ERCC8: variants seen among roughly 807,000 people sequenced by gnomAD.
ERCC8 encodes the protein ERCC excision repair 8, CSA ubiquitin ligase complex subunit.
ERCC8 carries 52 observed loss-of-function variants against 54.9 expected under a neutral mutation model. The ratio of observed to expected loss-of-function variants is 0.95; its 90% CI spans 0.76 to 1.19. The LOEUF (loss-of-function observed/expected upper bound fraction) is 1.19, where lower values mean the gene tolerates loss of function less well. Among genes scored for constraint, ERCC8 ranks in the 50% most tolerant of loss-of-function variants. ERCC8 has a pLI of 0.00. For synonymous variants in ERCC8, 146 were observed against 157.2 expected (o/e 0.93, Z 0.53); for missense variants, 514 against 466.1 (o/e 1.10, Z -0.95).
At chr5:60,892,442 G>T in intron 9 of ERCC8, 1 of 557,802 alleles carries the variant, frequency 1.8e-6, no homozygotes. Flanking sequence ...CACTGAGATG[G>T]GCAGGCAGAG....
chr5:60,925,601 C>G (rs1031321417), intron 2 of ERCC8, among the ~76,000 whole-genome samples: 1 of 152,168 alleles, frequency 6.6e-6, no homozygotes, highest in African/African-American at 2.4e-5. Flanking sequence ...GATGCCTTAT[C>G]GCTTTTTACT....
At chr5:60,908,877 G>A (rs1038820988) in intron 4 of ERCC8, among the ~76,000 whole-genome samples, 3 of 152,082 alleles carry the variant, frequency 2.0e-5, no homozygotes, top group Admixed American at 6.6e-5. Flanking sequence ...TGTATGTTTT[G>A]TGAAATACCT....
chr5:60,883,007 G>GCACA (rs1748288987), intron 11 of ERCC8, among the ~76,000 whole-genome samples: 2 of 117,054 alleles, frequency 1.7e-5, no homozygotes, highest in Non-Finnish European at 3.5e-5. Context: ...ACACACACAT[G>GCACA]TCTGTAGGTG....
At chr5:60,881,053 C>G (rs1299069449) in intron 11 of ERCC8, among the ~76,000 whole-genome samples, 1 of 152,080 alleles carries the variant, frequency 6.6e-6, no homozygotes, top group South Asian at 2.1e-4. Flanking sequence ...GTGTGGATGT[C>G]CTTTCTGCTT....
At chr5:60,921,583 A>C (rs1309125340) in intron 3 of ERCC8, among the ~76,000 whole-genome samples, 1 of 151,860 alleles carries the variant, frequency 6.6e-6, no homozygotes, top group Non-Finnish European at 1.5e-5. Flanking sequence ...GAGACAAGAC[A>C]GGGGTGAGTG....
At chr5:60,933,938 T>TACACACAC (rs70977815) in intron 1 of ERCC8, among the ~76,000 whole-genome samples, 6,834 of 151,082 alleles carry the variant, frequency 0.045, 274 homozygotes, top group Admixed American at 0.13. Flanking sequence ...TATTCCATGA[T>TACACACAC]ACACACACAC....
At chr5:60,924,240 C>A in intron 2 of ERCC8, 1 of 152,528 alleles carries the variant, frequency 6.6e-6, no homozygotes, top group East Asian at 1.9e-4. Context: ...CTAGATCCAT[C>A]AATTTATACA....
At chr5:60,893,611 C>T (rs1423004141) in intron 9 of ERCC8, 3 of 611,206 alleles carry the variant, frequency 4.9e-6, no homozygotes, top group East Asian at 2.9e-5. Context: ...GGTTCGAATC[C>T]GCTTGCTCTC....
chr5:60,910,980 T>C (rs957417065), intron 4 of ERCC8, among the ~76,000 whole-genome samples: 1 of 152,126 alleles, frequency 6.6e-6, no homozygotes, highest in African/African-American at 2.4e-5. Context: ...TGCTTTAGTT[T>C]TTTAAAAAAA....
intron 1 of ERCC8, among the ~76,000 whole-genome samples, 186 bp downstream of exon 1, chr5:60,944,746 C>A (rs1349992219): frequency 2.0e-5 from 3 of 148,738 alleles, no homozygotes; most frequent in Admixed American, 6.7e-5. Flanking sequence ...ACCCCCGCCG[C>A]CCCCCGCCTG....
intron 8 of ERCC8, among the ~76,000 whole-genome samples, chr5:60,898,767 A>G (rs551111927): frequency 7.0e-6 from 1 of 141,926 alleles, no homozygotes; most frequent in African/African-American, 2.7e-5. Flanking sequence ...ATGGACTATT[A>G]AAATCAATAA....
chr5:60,911,238 C>T (rs1185026970), intron 4 of ERCC8, among the ~76,000 whole-genome samples: 1 of 151,940 alleles, frequency 6.6e-6, no homozygotes, highest in African/African-American at 2.4e-5. Flanking sequence ...CCCTATTTCT[C>T]CACATACTCT....
intron 4 of ERCC8, among the ~76,000 whole-genome samples, chr5:60,913,462 G>A (rs1041011313): frequency 3.3e-5 from 5 of 151,864 alleles, no homozygotes; most frequent in African/African-American, 9.7e-5. Context: ...TTTTTATTGC[G>A]TCTATTTGAT....
intron 9 of ERCC8, chr5:60,893,072 G>A: frequency 2.6e-6 from 2 of 777,934 alleles, no homozygotes; most frequent in South Asian, 2.7e-5. Context: ...TGGGGTCCAG[G>A]TCAATCTTTT....
chr5:60,894,001 T>C lies in ERCC8; in HGVS notation c.844-2915A>G, dbSNP rs865864167. On this transcript the variant is annotated intron_variant, in intron 9 of 11. Transcript: ENST00000676185. ...GAATTTATCTTTTTTTTTTTTTTTT[T>C]TGAGACAGAGTCTTGCTCTGTCGCC... is the stretch of plus-strand genomic sequence containing the variant. Among the ~76,000 whole-genome samples the C allele has an allele frequency of 7.1e-3, 1,068 of 150,682 alleles. 9 individuals are homozygous for C. The highest frequency in any genetic ancestry group is 0.024 in the African/African-American group (967 of 41,060).
At chr5:60,894,669 C>A (rs909087613) in intron 9 of ERCC8, among the ~76,000 whole-genome samples, 45 of 152,086 alleles carry the variant, frequency 3.0e-4, no homozygotes, top group Admixed American at 2.9e-3. Context: ...CGAAAATAAT[C>A]TTCATTTTAA....
chr5:60,930,486 G>A (rs1749876263), intron 1 of ERCC8, among the ~76,000 whole-genome samples: 2 of 151,762 alleles, frequency 1.3e-5, no homozygotes, highest in Non-Finnish European at 2.9e-5. Context: ...CAACCTGGGA[G>A]GCGGAGGTTG....
At chr5:60,890,253 G>A (rs997824641) in intron 10 of ERCC8, among the ~76,000 whole-genome samples, 5 of 152,038 alleles carry the variant, frequency 3.3e-5, no homozygotes, top group African/African-American at 1.2e-4. Context: ...TTTAACTTAC[G>A]TGAGTTTCAT....
chr5:60,873,802 A>G lies in ERCC8; in HGVS notation c.*813T>C, dbSNP rs1338489034. The G allele has an allele frequency of 6.6e-6, 1 of 152,238 alleles. No individual in the cohort carries two copies. Among genetic ancestry groups the G allele is most frequent in the Non-Finnish European group, 1.5e-5 (1 of 68,044 alleles). 9.4% of individuals were successfully genotyped at this position (152,238 alleles called of 1,614,324 possible). On this transcript the variant is annotated 3_prime_UTR_variant, in exon 12 of 12. Transcript: ENST00000676185. ...GGAAGGGAAAATTAAGATTACCTTC[A>G]TGATAATCACGTGTGGGTTGACACA...
Sources: allele counts gnomAD v4.1 joint callset (sites outside exome capture counted in the v4.1 genomes callset), GRCh38; gene constraint gnomAD v4.1.1; transcripts MANE v1.5; gene names NCBI Gene and HGNC (gene_info 2026-07-23, HGNC 2026-07-21).